KDM1B: variants seen among roughly 807,000 people sequenced by gnomAD.
The protein encoded by KDM1B is lysine-specific histone demethylase 2.
KDM1B carries 63 observed loss-of-function variants against 107.4 expected under a neutral mutation model. The observed-to-expected ratio is 0.59, with a 90% CI of 0.48 to 0.72. KDM1B has a LOEUF of 0.72. Among genes scored for constraint, KDM1B ranks in the 30% least tolerant of loss-of-function variants. The pLI is 0.00. For synonymous variants in KDM1B, 363 were observed against 363.9 expected, an observed-to-expected ratio of 1.00 and a Z score of 0.03; for missense variants, 749 against 1,020.8, an observed-to-expected ratio of 0.73 and a Z score of 3.63.
At position 18,181,748 on chromosome 6, in the gene KDM1B, G is replaced by T. The variant is rs1786493146; in HGVS notation, c.535-4024G>T. ...GTGACACAGTGAGACCCTGTTTCAA[G>T]AAGAAAAGTAAAAAAGTTGAAATCA... On this transcript the variant is annotated intron_variant, in intron 7 of 21. Transcript: ENST00000650836. Among the ~76,000 whole-genome samples the T allele has an allele frequency of 1.3e-5, 2 of 151,934 alleles. 1 individual carries two copies. Among genetic ancestry groups the T allele is most frequent in the South Asian group, 4.1e-4 (2 of 4,822 alleles).
Position 18,197,021 on chromosome 6 carries a change from T to C in KDM1B, c.970-36T>C. The stretch of plus-strand genomic sequence containing the variant: ...TATTGTTTGAATTTCTTGGGACTTT[T>C]TTAAAAAAGCAGTTTGGTTTTATTT... On this transcript the variant is annotated intron_variant, in intron 10 of 21. Transcript: ENST00000650836. This position sits in a 1 kb window ranked among gnomAD's most constrained non-coding sequence, Gnocchi z 4.5. The C allele has an allele frequency of 6.4e-7, 1 of 1,561,902 alleles. No individual in the cohort carries two copies. The highest frequency in any genetic ancestry group is 8.7e-7 in the Non-Finnish European group (1 of 1,145,596).
rs1787739845 is a variant in KDM1B, at chr6:18,197,716, C to T, written c.1221+55C>T. 1.4e-5 allele frequency: 18 copies of T among 1,296,334 alleles called. No individual in the cohort carries two copies. The South Asian group carries it at 1.7e-4, about 12-fold the overall frequency. The allele number at this position is 1,296,334 out of a possible 1,614,324, so 80.3% of individuals were successfully genotyped here. A position where few individuals can be genotyped will look rare whatever the true frequency, so the allele number is the denominator to read the frequency against. Reference sequence around the variant, plus strand: ...AGATGGTTGACTGCTCCTTTTGGTCCAAATTTCTAAGATTTAGAAACCAGT... The same window carrying T: ...AGATGGTTGACTGCTCCTTTTGGTCTAAATTTCTAAGATTTAGAAACCAGT... On this transcript the variant is annotated intron_variant, in intron 12 of 21. Coordinates refer to ENST00000650836, the MANE Select transcript of KDM1B (RefSeq NM_001364614.2). This position sits in a 1 kb window ranked among gnomAD's most constrained non-coding sequence, Gnocchi z 4.5.
intron 7 of KDM1B, among the ~76,000 whole-genome samples, chr6:18,179,693 A>T (rs1786296550): frequency 6.7e-6 from 1 of 149,934 alleles, no homozygotes; most frequent in South Asian, 2.2e-4. Flanking sequence ...TTCTCCTTTT[A>T]ACGTTGGTGG....
At chr6:18,176,487 C>G (rs112230930) in intron 7 of KDM1B, among the ~76,000 whole-genome samples, 20,019 of 152,034 alleles carry the variant, frequency 0.13, 1,392 homozygotes, top group South Asian at 0.19. Flanking sequence ...ACTTCTAGTA[C>G]TATGTTGAAG....
Position 18,172,817 on chromosome 6 carries a change from C to T in KDM1B, c.534+1338C>T, listed in dbSNP as rs528374809. Among the ~76,000 whole-genome samples the T allele has an allele frequency of 5.9e-5, 9 of 152,116 alleles. No individual in the cohort carries two copies. In the East Asian group the frequency reaches 7.7e-4, roughly 13 times the overall value. On this transcript the variant is annotated intron_variant, in intron 7 of 21. Coordinates refer to ENST00000650836, the MANE Select transcript of KDM1B (RefSeq NM_001364614.2). The surrounding 1 kb of genome is among the most constrained non-coding windows in gnomAD (Gnocchi z 5.2). Reference sequence around the variant, plus strand: ...AAAACATATTAGGAGTGGTTGGGCGCGGTGGCTCACACCTGTAATCCCAGC... The same window carrying T: ...AAAACATATTAGGAGTGGTTGGGCGTGGTGGCTCACACCTGTAATCCCAGC...
Position 18,201,550 on chromosome 6 carries a change from C to G in KDM1B, c.1424C>G (p.Thr475Ser). 6.5e-7 allele frequency: 1 copy of G among 1,550,168 alleles called. No homozygotes were observed. The highest frequency in any genetic ancestry group is 8.7e-7 in the Non-Finnish European group (1 of 1,146,618). Residue 475 changes from threonine to serine, a missense_variant, in exon 14 of 22, where the codon ACT becomes AGT. Transcript: ENST00000650836. The surrounding 1 kb of genome is among the most constrained non-coding windows in gnomAD (Gnocchi z 4.3). Reference protein sequence around the residue: ...CDLIQEGGRITDPTIDKRMDF... With the variant: ...CDLIQEGGRISDPTIDKRMDF... ...TTAATTCAGGAAGGTGGAAGAATAA[C>G]TGACCCCACTATTGACAAGCGCATG...
intron 2 of KDM1B, among the ~76,000 whole-genome samples, chr6:18,157,159 AGAAG>A (rs1784667698): frequency 6.6e-6 from 1 of 152,328 alleles, no homozygotes. Context: ...TGAAAAATCA[AGAAG>A]GAAGACATTT....
rs919585346 is a variant in KDM1B, at chr6:18,223,257, G to C, written c.*1265G>C. On this transcript the variant is annotated 3_prime_UTR_variant, in exon 22 of 22. Transcript: ENST00000650836. ...TGAGTATTTTAAAAATTTAAAAGTA[G>C]GTCAGTTTATAACGAGTAAATACCT... The C allele has an allele frequency of 1.3e-5, 2 of 152,348 alleles. No individual in the cohort carries two copies. Among genetic ancestry groups the C allele is most frequent in the African/African-American group, 4.8e-5 (2 of 41,346 alleles). The allele number at this position is 152,348 out of a possible 1,614,324, so 9.4% of individuals were successfully genotyped here. A position where few individuals can be genotyped will look rare whatever the true frequency, so the allele number is the denominator to read the frequency against.
intron 6 of KDM1B, among the ~76,000 whole-genome samples, chr6:18,168,641 G>T (rs1486480330): frequency 6.6e-6 from 1 of 151,632 alleles, no homozygotes; most frequent in African/African-American, 2.4e-5. Context: ...ATAATTGCTA[G>T]ATCATATTTG....
At chr6:18,175,796 C>T (rs191437439) in intron 7 of KDM1B, among the ~76,000 whole-genome samples, 1 of 152,234 alleles carries the variant, frequency 6.6e-6, no homozygotes, top group Admixed American at 6.5e-5. Flanking sequence ...GGGTTTATTT[C>T]TGGGTTCTCT....
intron 2 of KDM1B, among the ~76,000 whole-genome samples, chr6:18,158,323 C>CAAAAAAA (rs56971577): frequency 1.1e-4 from 11 of 99,442 alleles, no homozygotes; most frequent in East Asian, 2.8e-4. Context: ...GACTCCTTCA[C>CAAAAAAA]AAAAAAAAAA....
rs936537703 is a variant in KDM1B, at chr6:18,201,698, C to T, written c.1531+41C>T. ...TGTTCTGATTGTTCCATCTCAGTTT[C>T]GTTGTTACCTAAGCTTCATCAGCAG... On this transcript the variant is annotated intron_variant, in intron 14 of 21. Coordinates refer to ENST00000650836, the MANE Select transcript of KDM1B (RefSeq NM_001364614.2). The surrounding 1 kb of genome is among the most constrained non-coding windows in gnomAD (Gnocchi z 4.3). The T allele has an allele frequency of 1.3e-5, 20 of 1,481,982 alleles. No individual in the cohort carries two copies. The highest frequency in any genetic ancestry group is 3.9e-5 in the South Asian group (3 of 76,768). 91.8% of individuals were successfully genotyped at this position (1,481,982 alleles called of 1,614,324 possible).
intron 7 of KDM1B, among the ~76,000 whole-genome samples, chr6:18,180,054 A>T (rs867703959): frequency 2.0e-3 from 271 of 134,934 alleles, no homozygotes; most frequent in Admixed American, 3.6e-3. Flanking sequence ...TTTTTTTTTT[A>T]ATAGAGACGG....
chr6:18,178,623 C>T (rs887846002), intron 7 of KDM1B, among the ~76,000 whole-genome samples: 1 of 150,494 alleles, frequency 6.6e-6, no homozygotes. Context: ...GAACTCCTGA[C>T]CTCGTGATCT....
rs1787694176 is a variant in KDM1B at position 18,197,019 on chromosome 6, T to G, written c.970-38T>G. 2.6e-6 allele frequency: 4 copies of G among 1,558,600 alleles called. No individual in the cohort carries two copies. Among genetic ancestry groups the G allele is most frequent in the Non-Finnish European group, 3.5e-6 (4 of 1,142,704 alleles). On this transcript the variant is annotated intron_variant, in intron 10 of 21. Coordinates refer to ENST00000650836, the MANE Select transcript of KDM1B (RefSeq NM_001364614.2). This position sits in a 1 kb window ranked among gnomAD's most constrained non-coding sequence, Gnocchi z 4.5. ...GCTATTGTTTGAATTTCTTGGGACTTTTTTAAAAAAGCAGTTTGGTTTTAT... is the reference window on the plus strand; with the variant it reads ...GCTATTGTTTGAATTTCTTGGGACTGTTTTAAAAAAGCAGTTTGGTTTTAT...
At chr6:18,163,013 G>T in intron 5 of KDM1B, 89 bp downstream of exon 5, 1 of 773,236 alleles carries the variant, frequency 1.3e-6, no homozygotes, top group East Asian at 2.5e-5. Context: ...GCTTAGTCTC[G>T]AGGCTTACTG....
At chr6:18,168,121 T>C (rs1220664165) in intron 6 of KDM1B, among the ~76,000 whole-genome samples, 1 of 152,226 alleles carries the variant, frequency 6.6e-6, no homozygotes, top group Non-Finnish European at 1.5e-5. Flanking sequence ...TAAAGATTTT[T>C]TCATTGAAGT....
At chr6:18,177,446 T>C (rs1355117981) in intron 7 of KDM1B, among the ~76,000 whole-genome samples, 1 of 151,932 alleles carries the variant, frequency 6.6e-6, no homozygotes, top group Non-Finnish European at 1.5e-5. Context: ...TTTTTTTGTT[T>C]CAATTTCATT....
At chr6:18,221,338 C>T (rs1789719615) in intron 21 of KDM1B, among the ~76,000 whole-genome samples, 1 of 152,182 alleles carries the variant, frequency 6.6e-6, no homozygotes, top group African/African-American at 2.4e-5. Context: ...CCTATCCTGT[C>T]CTCCCCTATC....
Sources: allele counts gnomAD v4.1 joint callset (sites outside exome capture counted in the v4.1 genomes callset), GRCh38; gene constraint gnomAD v4.1.1; non-coding constraint Gnocchi (gnomAD v3.1); transcripts MANE v1.5; gene names NCBI Gene and HGNC (gene_info 2026-07-23, HGNC 2026-07-21).